MARCHF1: variants seen among roughly 807,000 people sequenced by gnomAD.
The protein encoded by MARCHF1 is membrane associated ring-CH-type finger 1.
A neutral mutation model predicts 54.2 loss-of-function variants in MARCHF1; 40 were observed. The observed-to-expected ratio is 0.74, with a 90% confidence interval of 0.57 to 0.96. The LOEUF (loss-of-function observed/expected upper bound fraction) is 0.96. Among genes scored for constraint, MARCHF1 ranks in the 40% least tolerant of loss-of-function variants. The probability of loss-of-function intolerance (pLI) is 0.00; values close to 1 mark genes in which losing one functional copy is unlikely to be tolerated. For synonymous variants in MARCHF1, 236 were observed against 236.3 expected, an observed-to-expected ratio of 1.00 and a Z score of 0.01; for missense variants, 586 against 656.5, an observed-to-expected ratio of 0.89 and a Z score of 1.17.
intron 1 of MARCHF1, among the ~76,000 whole-genome samples, chr4:164,295,844 G>A (rs551035645): frequency 6.6e-6 from 1 of 152,272 alleles, no homozygotes; most frequent in East Asian, 1.9e-4. Context: ...TAAAGCAAGA[G>A]GGGTGAAGGA....
intron 5 of MARCHF1, among the ~76,000 whole-genome samples, chr4:163,665,651 G>A (rs751460495): frequency 2.0e-5 from 3 of 152,004 alleles, no homozygotes; most frequent in Non-Finnish European, 2.9e-5. Context: ...TTTATTCATC[G>A]TCTTCCCTTT....
At chr4:164,091,869 TG>T in intron 2 of MARCHF1, among the ~76,000 whole-genome samples, 1 of 60,170 alleles carries the variant, frequency 1.7e-5, no homozygotes, top group East Asian at 4.1e-4. Flanking sequence ...CTTTTGTGTG[TG>T]TGTGTGTGTG....
chr4:163,701,041 T>G (rs1408952469), intron 4 of MARCHF1, among the ~76,000 whole-genome samples, 178 bp from the exon 5 acceptor site: 1 of 152,214 alleles, frequency 6.6e-6, no homozygotes, highest in African/African-American at 2.4e-5. Flanking sequence ...AAATCATATT[T>G]CTCTAATATA....
chr4:164,292,916 C>T (rs1429653685), intron 1 of MARCHF1, among the ~76,000 whole-genome samples: 3 of 152,110 alleles, frequency 2.0e-5, no homozygotes, highest in Non-Finnish European at 2.9e-5. Flanking sequence ...CTAAAATCTT[C>T]TACTAATGCT....
intron 2 of MARCHF1, among the ~76,000 whole-genome samples, chr4:164,077,455 A>G (rs962654260): frequency 3.3e-5 from 5 of 152,204 alleles, no homozygotes; most frequent in Non-Finnish European, 5.9e-5. Flanking sequence ...AATACTATTC[A>G]GGACATAGGC....
At chr4:164,230,955 A>T (rs1410672400) in intron 1 of MARCHF1, among the ~76,000 whole-genome samples, 1 of 152,168 alleles carries the variant, frequency 6.6e-6, no homozygotes, top group Non-Finnish European at 1.5e-5. Flanking sequence ...ATTGCTGCCT[A>T]GAAATTCTGG....
intron 5 of MARCHF1, among the ~76,000 whole-genome samples, chr4:163,636,574 C>A (rs1296517663): frequency 6.6e-6 from 1 of 150,716 alleles, no homozygotes; most frequent in East Asian, 1.9e-4. Context: ...AACTACAAAC[C>A]ACTGCTCAAG....
chr4:163,526,014 A>G lies in MARCHF1; in HGVS notation c.*2734T>C, dbSNP rs1738092109. ...TTGAAATTCAGAACTTCAGGGTTTC[A>G]AAAAGTCAGAAGAATAGCAAAATCA... On this transcript the variant is annotated 3_prime_UTR_variant, in exon 10 of 10. Transcript: ENST00000514618. 1 of 152,168 alleles carries G rather than the reference A, an allele frequency of 6.6e-6. No homozygotes were observed. The highest frequency in any genetic ancestry group is 2.1e-4 in the South Asian group (1 of 4,832). 9.4% of individuals were successfully genotyped at this position (152,168 alleles called of 1,614,324 possible).
chr4:163,756,364 C>T (rs559704999), intron 4 of MARCHF1, among the ~76,000 whole-genome samples: 5 of 152,098 alleles, frequency 3.3e-5, no homozygotes, highest in Non-Finnish European at 7.4e-5. Flanking sequence ...CATGGTGGCT[C>T]ATGCCTGTAA....
Position 163,566,922 on chromosome 4 carries a change from A to G in MARCHF1, c.1191+18827T>C, listed in dbSNP as rs144377624. Among the ~76,000 whole-genome samples, 851 of 152,340 alleles carry G rather than the reference A, an allele frequency of 5.6e-3. 29 individuals are homozygous for G. The highest frequency in any genetic ancestry group is 0.047 in the Admixed American group (716 of 15,298). On this transcript the variant is annotated intron_variant, in intron 8 of 9. Coordinates refer to ENST00000514618, the MANE Select transcript of MARCHF1 (RefSeq NM_001394959.1). ...AGAAAATCCACACAAGTATAAAGCC[A>G]TAATTTGTGCTTTACTACGTTCTTC...
At chr4:163,724,784 C>T (rs532996149) in intron 4 of MARCHF1, among the ~76,000 whole-genome samples, 47 of 152,270 alleles carry the variant, frequency 3.1e-4, no homozygotes, top group African/African-American at 1.0e-3. Flanking sequence ...AATGAGAATC[C>T]GCGGGCGTGG....
intron 4 of MARCHF1, among the ~76,000 whole-genome samples, chr4:163,818,922 C>T (rs1021792177): frequency 1.3e-5 from 2 of 152,140 alleles, no homozygotes; most frequent in Admixed American, 1.3e-4. Flanking sequence ...CAGCAACTGA[C>T]ATCCTGCTCC....
intron 4 of MARCHF1, among the ~76,000 whole-genome samples, chr4:163,819,353 G>A (rs1428205427): frequency 1.3e-5 from 2 of 151,934 alleles, no homozygotes; most frequent in African/African-American, 4.8e-5. Flanking sequence ...ATTCCATTTG[G>A]ATGGCTGAAC....
At chr4:164,268,767 A>T (rs1394281315) in intron 1 of MARCHF1, among the ~76,000 whole-genome samples, 3 of 152,186 alleles carry the variant, frequency 2.0e-5, no homozygotes, top group Non-Finnish European at 4.4e-5. Flanking sequence ...AAAGAATCAC[A>T]CATTGATCTT....
chr4:164,380,053 CAT>C (rs1349987003), intron 1 of MARCHF1, among the ~76,000 whole-genome samples: 1 of 150,854 alleles, frequency 6.6e-6, no homozygotes, highest in Non-Finnish European at 1.5e-5. Context: ...TATTTTCAGA[CAT>C]ACAAAAACTG....
chr4:163,530,096 A>ATATT (rs1345286534), intron 9 of MARCHF1: 2 of 152,026 alleles, frequency 1.3e-5, no homozygotes, highest in Non-Finnish European at 2.9e-5. Context: ...TATCCTATCT[A>ATATT]TATTTTGTAG....
intron 2 of MARCHF1, among the ~76,000 whole-genome samples, chr4:163,993,153 C>A (rs1469605840): frequency 6.6e-6 from 1 of 151,998 alleles, no homozygotes; most frequent in Non-Finnish European, 1.5e-5. Flanking sequence ...AGTTAGGGAA[C>A]AACCCATGCT....
intron 9 of MARCHF1, among the ~76,000 whole-genome samples, chr4:163,544,930 A>G (rs561457493): frequency 5.9e-5 from 9 of 152,326 alleles, no homozygotes; most frequent in Admixed American, 1.3e-4. Context: ...ATAGGGCCCA[A>G]TGAGAAACAG....
intron 1 of MARCHF1, among the ~76,000 whole-genome samples, chr4:164,221,785 G>A (rs576993022): frequency 1.2e-3 from 185 of 151,958 alleles, no homozygotes; most frequent in Non-Finnish European, 2.3e-3. Flanking sequence ...AGGAAGAAAA[G>A]GTAAAGGGTT....
Sources: gnomAD v4.1 joint callset for allele counts (sites outside exome capture counted in the v4.1 genomes callset) on GRCh38, gnomAD v4.1.1 for gene constraint, MANE v1.5 for transcripts, NCBI Gene and HGNC (gene_info 2026-07-23, HGNC 2026-07-21) for gene names.